AKAP9: variants seen among roughly 807,000 people sequenced by gnomAD.
AKAP9 encodes A-kinase anchoring protein 9.
AKAP9 carries 311 observed loss-of-function variants against 488.5 expected under a neutral mutation model. That is an observed-to-expected ratio of 0.64 (90% CI 0.58 to 0.70). The LOEUF is 0.70. Ranked by LOEUF, AKAP9 falls within the 30% of genes least tolerant of loss-of-function variation. The pLI, the probability that AKAP9 is intolerant of heterozygous loss-of-function variation, is 0.00. For missense variants in AKAP9, 4,215 were observed against 4,374.5 expected (o/e 0.96, Z 1.03); for synonymous variants, 1,462 against 1,483.5 (o/e 0.99, Z 0.33).
At chr7:92,091,765 C>T (rs924855181) in intron 38 of AKAP9, among the ~76,000 whole-genome samples, 3 of 151,914 alleles carry the variant, frequency 2.0e-5, no homozygotes, top group African/African-American at 7.3e-5. Flanking sequence ...TATTGTTTTA[C>T]TTAGGTTAAA....
intron 22 of AKAP9, chr7:92,057,697 A>G (rs888578948): frequency 9.6e-5 from 21 of 218,448 alleles, no homozygotes; most frequent in Non-Finnish European, 1.7e-4. Context: ...GACTGCTGCT[A>G]TGGAGATTTC....
In AKAP9 at chr7:91,993,057, T is replaced by C. The variant is rs1418641445; in HGVS notation, c.576+2T>C. On this transcript the variant is annotated splice_donor_variant, in intron 5 of 49. Transcript: ENST00000356239. LOFTEE classifies it high-confidence loss of function. ...TATGGGACTGAAGGACTGCAGCAGG[T>C]ATGTTTATTTTCTGTGGCTTTTGAT... 1 of 1,614,008 alleles carries C rather than the reference T, an allele frequency of 6.2e-7. No homozygotes were observed. Among genetic ancestry groups the C allele is most frequent in the East Asian group, 2.2e-5 (1 of 44,874 alleles).
intron 38 of AKAP9, 112 bp from the exon 39 acceptor site, chr7:92,092,985 G>T: frequency 1.1e-6 from 1 of 935,592 alleles, no homozygotes; most frequent in Admixed American, 2.3e-5. Context: ...AATTTTTCAT[G>T]TTTCCTTTGA....
chr7:92,045,224 T>A lies in AKAP9; in HGVS notation c.5368+11T>A, dbSNP rs1294712089. On this transcript the variant is annotated intron_variant, in intron 21 of 49. Transcript: ENST00000356239. ...AGGAACATACAAGAGGTACTAGTTT[T>A]CTGTGTTGTGGAAACAATCATTTCA... The A allele has an allele frequency of 6.2e-7, 1 of 1,611,936 alleles. No homozygotes were observed. The highest frequency in any genetic ancestry group is 1.7e-5 in the Admixed American group (1 of 59,992).
intron 24 of AKAP9, chr7:92,063,332 A>T (rs1810207745): frequency 3.6e-6 from 1 of 281,412 alleles, no homozygotes; most frequent in Admixed American, 6.5e-5. Flanking sequence ...GTTACCAGTG[A>T]TAATCAGTGT....
chr7:92,018,697 CT>C (rs1250645396), intron 12 of AKAP9, among the ~76,000 whole-genome samples: 1 of 152,130 alleles, frequency 6.6e-6, no homozygotes, highest in South Asian at 2.1e-4. Context: ...GCTTCTGTAG[CT>C]TTTCAAGCCT....
In AKAP9 at chr7:92,102,582, C is replaced by G; in HGVS notation, c.11098-12C>G. The G allele has an allele frequency of 1.2e-6, 2 of 1,609,488 alleles. No homozygotes were observed. ...CTTAATGTCTTTACATTCTTCTCTT[C>G]CCTAAATATAGAGAATTTATGGTAA... On this transcript the variant is annotated splice_polypyrimidine_tract_variant and intron_variant, in intron 45 of 49. Coordinates refer to ENST00000356239, the MANE Select transcript of AKAP9 (RefSeq NM_005751.5).
Position 91,995,588 on chromosome 7 carries a change from T to C in AKAP9, c.733-15T>C, listed in dbSNP as rs750992652. On this transcript the variant is annotated splice_polypyrimidine_tract_variant and intron_variant, in intron 6 of 49. Coordinates refer to ENST00000356239, the MANE Select transcript of AKAP9 (RefSeq NM_005751.5). Reference sequence around the variant, plus strand: ...CTTCAGAATTTAACGTTTTGAGGTTTCTTTCTATTTTCAGTTACAGGCTAG... The same window carrying C: ...CTTCAGAATTTAACGTTTTGAGGTTCCTTTCTATTTTCAGTTACAGGCTAG... 10 of 1,612,914 alleles carry C rather than the reference T, an allele frequency of 6.2e-6. No individual in the cohort carries two copies. In the Admixed American group the frequency reaches 1.0e-4, roughly 16 times the overall value.
chr7:92,002,037 A>T lies in AKAP9; in HGVS notation c.2120A>T (p.Gln707Leu). The T allele has an allele frequency of 6.2e-7, 1 of 1,606,294 alleles. No homozygotes were observed. ...LEISKLKDLQ[Q>L]SLVNSKSEEM... ...ATTTCAAAGCTAAAAGATTTACAGC[A>T]GTCTCTTGTAAATTCAAAGTCAGAA... Residue 707 changes from glutamine (Q) to leucine (L), a missense_variant, in exon 8 of 50, where the codon CAG (glutamine) becomes CTG (leucine). Physicochemically the swap from Gln to Leu is moderately radical, Grantham distance 113 (BLOSUM62 -2). Coordinates refer to ENST00000356239, the MANE Select transcript of AKAP9 (RefSeq NM_005751.5).
chr7:91,995,962 G>T lies in AKAP9; in HGVS notation c.930+162G>T, dbSNP rs889974277. 3 of 634,410 alleles carry T rather than the reference G, an allele frequency of 4.7e-6. No homozygotes were observed. The African/African-American group carries it at 5.5e-5, about 12-fold the overall frequency. 39.3% of individuals were successfully genotyped at this position (634,410 alleles called of 1,614,324 possible). On this transcript the variant is annotated intron_variant, in intron 7 of 49. Coordinates refer to ENST00000356239, the MANE Select transcript of AKAP9 (RefSeq NM_005751.5). Reference sequence around the variant, plus strand: ...AGCAAATGGGAATCTCAGTAATGTAGTTTTTAAGATAATAGTCATTACTGA... The same window carrying T: ...AGCAAATGGGAATCTCAGTAATGTATTTTTTAAGATAATAGTCATTACTGA...
At chr7:91,991,766 C>T (rs937810096) in intron 3 of AKAP9, among the ~76,000 whole-genome samples, 6 of 152,082 alleles carry the variant, frequency 3.9e-5, no homozygotes, top group South Asian at 2.1e-4. Context: ...CCACCACACC[C>T]GACCTAAATT....
intron 14 of AKAP9, among the ~76,000 whole-genome samples, chr7:92,023,210 C>T (rs1261372507): frequency 1.3e-5 from 2 of 152,132 alleles, no homozygotes. Flanking sequence ...AAACCAAAGA[C>T]ATTATAGGAA....
In AKAP9 at chr7:91,941,082, G is replaced by T. The variant is rs377156168; in HGVS notation, c.-18G>T. ...CACCCCTCAACCCCTGTTTTCCCCT[G>T]CCTTCCTTGCAGAGGCCATGGAGGA... is the stretch of plus-strand genomic sequence containing the variant. On this transcript the variant is annotated 5_prime_UTR_variant, in exon 1 of 50. Coordinates refer to ENST00000356239, the MANE Select transcript of AKAP9 (RefSeq NM_005751.5). 229 of 1,612,978 alleles carry T rather than the reference G, an allele frequency of 1.4e-4. No homozygotes were observed. The highest frequency in any genetic ancestry group is 1.8e-4 in the Non-Finnish European group (209 of 1,179,080).
At chr7:91,991,248 A>T (rs1039313147) in intron 3 of AKAP9, among the ~76,000 whole-genome samples, 2 of 152,166 alleles carry the variant, frequency 1.3e-5, no homozygotes, top group Non-Finnish European at 2.9e-5. Flanking sequence ...GCTAATTGCA[A>T]TTTAGAAGTA....
intron 39 of AKAP9, 21 bp downstream of exon 39, chr7:92,093,337 A>G: frequency 6.2e-7 from 1 of 1,605,970 alleles, no homozygotes. Flanking sequence ...CTTCCTTATT[A>G]AAAACATGTA....
intron 16 of AKAP9, among the ~76,000 whole-genome samples, chr7:92,032,365 G>C (rs565549435): frequency 6.6e-6 from 1 of 152,032 alleles, no homozygotes; most frequent in Non-Finnish European, 1.5e-5. Context: ...GCGTGGTGAC[G>C]CATGTCTGTA....
chr7:91,971,864 C>T (rs186603154), intron 1 of AKAP9, among the ~76,000 whole-genome samples: 2 of 151,798 alleles, frequency 1.3e-5, no homozygotes, highest in South Asian at 4.2e-4. Context: ...CCACCGTGCC[C>T]GGCCTACATC....
In AKAP9 at chr7:92,105,790, A is replaced by C. The variant is rs146124634; in HGVS notation, c.11416+27A>C. On this transcript the variant is annotated intron_variant, in intron 47 of 49. Coordinates refer to ENST00000356239, the MANE Select transcript of AKAP9 (RefSeq NM_005751.5). ...TGAAGTCAAAATAGCATATTTTCTTATGTTTATGACTCTCTAAATCAGAGG... is the reference window on the plus strand; with the variant it reads ...TGAAGTCAAAATAGCATATTTTCTTCTGTTTATGACTCTCTAAATCAGAGG... 5.6e-4 allele frequency: 885 copies of C among 1,577,464 alleles called. 7 individuals carry two copies. Among genetic ancestry groups the C allele is most frequent in the South Asian group, 3.7e-3 (331 of 90,370 alleles).
chr7:92,102,517 A>G (rs1456204285), intron 45 of AKAP9, 77 bp from the exon 46 acceptor site: 4 of 1,199,844 alleles, frequency 3.3e-6, no homozygotes, highest in African/African-American at 1.5e-5. Context: ...ACTTGTTAAA[A>G]TCTAGGTTAT....
Sources: gnomAD v4.1 joint callset for allele counts (sites outside exome capture counted in the v4.1 genomes callset) on GRCh38, gnomAD v4.1.1 for gene constraint, MANE v1.5 for transcripts, NCBI Gene and HGNC (gene_info 2026-07-23, HGNC 2026-07-21) for gene names.